The following KCNK4 variants were observed in gnomAD, a reference collection of about 807,000 sequenced individuals.
KCNK4 encodes potassium two pore domain channel subfamily K member 4.
A neutral mutation model predicts 28.8 loss-of-function variants in KCNK4; 22 were observed. The ratio of observed to expected loss-of-function variants is 0.76; its 90% CI spans 0.55 to 1.09. The LOEUF (loss-of-function observed/expected upper bound fraction) is 1.09, where lower values mean the gene tolerates loss of function less well. Among genes scored for constraint, KCNK4 ranks in the 50% least tolerant of loss-of-function variants. KCNK4 has a pLI of 0.00. For missense variants in KCNK4, 483 were observed against 546.3 expected, an observed-to-expected ratio of 0.88 and a Z score of 1.15; for synonymous variants, 263 against 252.9, an observed-to-expected ratio of 1.04 and a Z score of -0.38.
intron 2 of KCNK4, among the ~76,000 whole-genome samples, chr11:64,296,473 C>G (rs1253060352): frequency 6.6e-6 from 1 of 152,000 alleles, no homozygotes; most frequent in African/African-American, 2.4e-5. Flanking sequence ...CACAAAAAAT[C>G]TGGGAGGCAG....
chr11:64,292,755 G>C, intron 1 of KCNK4, 187 bp from the exon 2 acceptor site: 1 of 499,536 alleles, frequency 2.0e-6, no homozygotes, highest in South Asian at 6.2e-5. Flanking sequence ...CAGGGGCTGA[G>C]GGCCGGGCAG....
chr11:64,293,322 T>A, intron 2 of KCNK4, 115 bp downstream of exon 2: 1 of 1,177,692 alleles, frequency 8.5e-7, no homozygotes, highest in Non-Finnish European at 1.1e-6. Flanking sequence ...TGAGGACGGG[T>A]GCAGTGGGAG....
intron 2 of KCNK4, chr11:64,296,187 T>A (rs11231745): frequency 0.19 from 29,398 of 152,052 alleles, 3,342 homozygotes; most frequent in East Asian, 0.54. Context: ...TGATTTACAC[T>A]GCAGCACAGG....
rs777814993 is a variant in KCNK4 at position 64,296,907 on chromosome 11, G to A, written c.219G>A (p.Ala73=). The change falls in exon 3 of 7, where the codon GCG becomes GCA. Residue 73 remains alanine (A), a synonymous_variant. Coordinates refer to ENST00000422670, the MANE Select transcript of KCNK4 (RefSeq NM_033310.3). ...TGGCTGATGCCCTGGGAGGGGGTGC[G>A]GACCCAGAAACCAACTCGACCAGCA... ...KEVADALGGG[A]DPETNSTSNS... 9.9e-6 allele frequency: 15 copies of A among 1,510,094 alleles called. No individual in the cohort carries two copies. In the African/African-American group the frequency reaches 1.1e-4, roughly 11 times the overall value. 93.5% of individuals were successfully genotyped at this position (1,510,094 alleles called of 1,614,324 possible). A position where few individuals can be genotyped will look rare whatever the true frequency, so the allele number is the denominator to read the frequency against.
chr11:64,298,389 C>T (rs748845400), intron 6 of KCNK4, 140 bp downstream of exon 6: 57 of 1,028,098 alleles, frequency 5.5e-5, no homozygotes, highest in African/African-American at 2.7e-4. Context: ...GTGTGTGCCC[C>T]GCAGGGAACA....
intron 1 of KCNK4, chr11:64,291,998 G>C: frequency 1.7e-6 from 2 of 1,182,070 alleles, no homozygotes; most frequent in South Asian, 1.4e-5. Flanking sequence ...CGGTGGCCCT[G>C]CTGTCTGGCG....
At chr11:64,295,410 A>G (rs1324740472) in intron 2 of KCNK4, among the ~76,000 whole-genome samples, 1 of 152,166 alleles carries the variant, frequency 6.6e-6, no homozygotes, top group Non-Finnish European at 1.5e-5. Flanking sequence ...AAGGCGTGGA[A>G]GCTGGAAAGT....
chr11:64,296,732 G>A, intron 2 of KCNK4, 146 bp from the exon 3 acceptor site: 2 of 710,642 alleles, frequency 2.8e-6, no homozygotes, highest in Non-Finnish European at 4.1e-6. Context: ...ATCTTCTGCT[G>A]TAAGGGACTG....
intron 5 of KCNK4, 140 bp from the exon 6 acceptor site, chr11:64,297,970 T>G (rs2034817853): frequency 9.8e-7 from 1 of 1,021,774 alleles, no homozygotes; most frequent in Non-Finnish European, 1.4e-6. Context: ...TTTTCCTGCC[T>G]GCACTCACAC....
intron 2 of KCNK4, 131 bp from the exon 3 acceptor site, chr11:64,296,747 C>T: frequency 2.1e-6 from 2 of 952,002 alleles, no homozygotes; most frequent in Non-Finnish European, 2.9e-6. Flanking sequence ...GGACTGCCTC[C>T]TGGGAGACCA....
rs1386791216 is a variant in KCNK4 at position 64,298,120 on chromosome 11, C to T, written c.672C>T (p.Pro224=). Residue 224 remains proline, a synonymous_variant, in exon 6 of 7, where the codon CCC becomes CCT. Coordinates refer to ENST00000422670, the MANE Select transcript of KCNK4 (RefSeq NM_033310.3). The stretch of plus-strand genomic sequence containing the variant: ...CTGGTGGTATCCCAGGCGCGGACCC[C>T]AGGCAGGACTCCCCGGCCTATCAGC... ...GFGDYVAGAD[P]RQDSPAYQPL... 1 of 1,613,634 alleles carries T rather than the reference C, an allele frequency of 6.2e-7. No individual in the cohort carries two copies. The highest frequency in any genetic ancestry group is 1.1e-5 in the South Asian group (1 of 91,010).
At chr11:64,296,801 A>G in intron 2 of KCNK4, 77 bp from the exon 3 acceptor site, 1 of 1,438,680 alleles carries the variant, frequency 7.0e-7, no homozygotes, top group Non-Finnish European at 9.2e-7. Flanking sequence ...GAGCCACCCT[A>G]GAGACTGGAG....
chr11:64,298,596 C>T lies in KCNK4; in HGVS notation c.801+347C>T, dbSNP rs189864147. On this transcript the variant is annotated intron_variant, in intron 6 of 6. Transcript: ENST00000422670. ...ACTCGGGAGGCTGAGATGGGAGGAT[C>T]GCTTGAGCCAGGGGAGGTCGAGGCA... 1.5e-3 allele frequency among the ~76,000 whole-genome samples: 230 copies of T among 152,180 alleles called. 1 individual carries two copies. Among genetic ancestry groups the T allele is most frequent in the South Asian group, 5.4e-3 (26 of 4,822 alleles).
chr11:64,294,789 T>C (rs1326149812), intron 2 of KCNK4, among the ~76,000 whole-genome samples: 1 of 149,824 alleles, frequency 6.7e-6, no homozygotes, highest in Non-Finnish European at 1.5e-5. Flanking sequence ...GAGTGTGGGG[T>C]GGGGTTGGGA....
At position 64,298,117 on chromosome 11, in the gene KCNK4, C is replaced by A; in HGVS notation, c.669C>A (p.Asp223Glu). 6.2e-7 allele frequency: 1 copy of A among 1,613,564 alleles called. No individual in the cohort carries two copies. Among genetic ancestry groups the A allele is most frequent in the East Asian group, 2.2e-5 (1 of 44,876 alleles). ...VGFGDYVAGA[D>E]PRQDSPAYQP... The stretch of plus-strand genomic sequence containing the variant: ...TCCCTGGTGGTATCCCAGGCGCGGA[C>A]CCCAGGCAGGACTCCCCGGCCTATC... The change falls in exon 6 of 7, where the codon GAC (aspartate) becomes GAA (glutamate). Residue 223 changes from aspartate (D) to glutamate (E), a missense_variant. Asp to Glu is a conservative substitution (Grantham distance 45). Transcript: ENST00000422670.
chr11:64,293,034 C>T lies in KCNK4; in HGVS notation c.16C>T (p.Leu6Phe). 1.3e-6 allele frequency: 2 copies of T among 1,547,398 alleles called. No homozygotes were observed. Among genetic ancestry groups the T allele is most frequent in the Non-Finnish European group, 1.7e-6 (2 of 1,146,028 alleles). The change falls in exon 2 of 7, where the codon CTC becomes TTC. Residue 6 changes from leucine to phenylalanine, a missense_variant. Physicochemically the swap from Leu to Phe is conservative, Grantham distance 22. Coordinates refer to ENST00000422670, the MANE Select transcript of KCNK4 (RefSeq NM_033310.3). MRSTT[L>F]LALLALVLLY... ...TGGGCGCGCCATGCGCAGCACCACG[C>T]TCCTGGCCCTGCTGGCGCTGGTCTT...
rs760437142 is a variant in KCNK4, at chr11:64,299,497, G to A, written c.953G>A (p.Arg318Gln). Reference sequence around the variant, plus strand: ...CCAGCGCAGCCGCTGGGCAGGCCCCGATCCCCTTCGCCCCCCGAGAAGGCT... The same window carrying A: ...CCAGCGCAGCCGCTGGGCAGGCCCCAATCCCCTTCGCCCCCCGAGAAGGCT... ...PCPAQPLGRP[R>Q]SPSPPEKAQP... The change falls in exon 7 of 7, where the codon CGA becomes CAA. Residue 318 changes from arginine (R) to glutamine (Q), a missense_variant. Arg to Gln is a conservative substitution (Grantham distance 43). Coordinates refer to ENST00000422670, the MANE Select transcript of KCNK4 (RefSeq NM_033310.3). 4 of 1,608,048 alleles carry A rather than the reference G, an allele frequency of 2.5e-6. No homozygotes were observed. The South Asian group carries it at 4.4e-5, about 18-fold the overall frequency.
intron 5 of KCNK4, 45 bp downstream of exon 5, chr11:64,297,698 C>T: frequency 1.9e-6 from 3 of 1,574,438 alleles, no homozygotes; most frequent in African/African-American, 2.7e-5. Flanking sequence ...CTACTTTATT[C>T]CTGATCAGGG....
intron 1 of KCNK4, chr11:64,291,939 C>T: frequency 3.7e-6 from 3 of 819,932 alleles, no homozygotes; most frequent in Non-Finnish European, 4.7e-6. Flanking sequence ...TCCGAGGCGT[C>T]GCTGTGCGGA....
Sources: gnomAD v4.1 joint callset for allele counts (sites outside exome capture counted in the v4.1 genomes callset) on GRCh38, gnomAD v4.1.1 for gene constraint, MANE v1.5 for transcripts, NCBI Gene and HGNC (gene_info 2026-07-23, HGNC 2026-07-21) for gene names.